Variants in PIBF1 observed in about 807,000 individuals in gnomAD.
The protein encoded by PIBF1 is progesterone immunomodulatory binding factor 1.
In PIBF1, 90 loss-of-function variants were observed where a neutral mutation model predicts 112.5. The ratio of observed to expected loss-of-function variants is 0.80; its 90% confidence interval spans 0.67 to 0.95. The LOEUF (loss-of-function observed/expected upper bound fraction) is 0.95, where lower values mean the gene tolerates loss of function less well. PIBF1 is among the 40% of genes least tolerant of loss of function. The pLI is 0.00. For missense variants in PIBF1, 915 were observed against 852.3 expected (o/e 1.07, Z -0.92); for synonymous variants, 301 against 288.6 (o/e 1.04, Z -0.44).
intron 6 of PIBF1, among the ~76,000 whole-genome samples, chr13:72,824,414 T>C (rs57764153): frequency 0.09 from 13,628 of 152,180 alleles, 1,698 homozygotes; most frequent in African/African-American, 0.28. Flanking sequence ...ACAATAAATA[T>C]TGGCAATAAT....
chr13:72,816,325 A>G (rs1348609024), intron 5 of PIBF1, among the ~76,000 whole-genome samples: 1 of 152,196 alleles, frequency 6.6e-6, no homozygotes, highest in African/African-American at 2.4e-5. Context: ...GGTCCACCAC[A>G]TGTGATGAAA....
chr13:72,799,730 G>A (rs981253593), intron 5 of PIBF1, among the ~76,000 whole-genome samples: 3 of 152,220 alleles, frequency 2.0e-5, no homozygotes, highest in Non-Finnish European at 2.9e-5. Context: ...GGAAGAGGCA[G>A]TTAGACAAGG....
chr13:72,975,921 T>A (rs1034134788), intron 16 of PIBF1, among the ~76,000 whole-genome samples: 1 of 152,092 alleles, frequency 6.6e-6, no homozygotes, highest in Admixed American at 6.5e-5. Flanking sequence ...TACATTTTTT[T>A]AAAGCTAGAT....
At chr13:72,987,884 G>A (rs1442668927) in intron 16 of PIBF1, among the ~76,000 whole-genome samples, 4 of 70,564 alleles carry the variant, frequency 5.7e-5, no homozygotes, top group Non-Finnish European at 9.0e-5. Context: ...TTTTTTTTGA[G>A]GCAGAGTCTC....
chr13:73,003,107 G>A (rs1383922452), intron 17 of PIBF1, among the ~76,000 whole-genome samples: 3 of 151,426 alleles, frequency 2.0e-5, no homozygotes, highest in South Asian at 2.1e-4. Flanking sequence ...ACGTAGTTCA[G>A]GCCTTGACTT....
At chr13:72,782,597 T>C (rs186857646) in intron 1 of PIBF1, among the ~76,000 whole-genome samples, 1 of 152,316 alleles carries the variant, frequency 6.6e-6, no homozygotes, top group African/African-American at 2.4e-5. Context: ...TATCATTCAG[T>C]TTAGAAAAAC....
intron 10 of PIBF1, among the ~76,000 whole-genome samples, chr13:72,856,280 T>G (rs1450157360): frequency 1.3e-5 from 2 of 152,184 alleles, no homozygotes; most frequent in Non-Finnish European, 2.9e-5. Context: ...CTAACTGAAT[T>G]TTGTTCTTCA....
At chr13:72,953,927 G>A (rs1422498528) in intron 14 of PIBF1, among the ~76,000 whole-genome samples, 1 of 152,126 alleles carries the variant, frequency 6.6e-6, no homozygotes, top group Non-Finnish European at 1.5e-5. Context: ...TGTCCATTGT[G>A]TTATGCTACC....
intron 13 of PIBF1, among the ~76,000 whole-genome samples, chr13:72,927,992 C>CATATATAT (rs1566458232): frequency 1.6e-4 from 8 of 50,762 alleles, no homozygotes; most frequent in African/African-American, 5.9e-4. Flanking sequence ...TATATATACA[C>CATATATAT]ACACATATAT....
intron 14 of PIBF1, among the ~76,000 whole-genome samples, chr13:72,952,791 A>T (rs2042337829): frequency 6.7e-6 from 1 of 150,120 alleles, no homozygotes; most frequent in Non-Finnish European, 1.5e-5. Context: ...GATAGTAGTG[A>T]TGTGCTGGAT....
intron 11 of PIBF1, among the ~76,000 whole-genome samples, chr13:72,898,939 A>T (rs1594150866): frequency 6.6e-6 from 1 of 152,196 alleles, no homozygotes; most frequent in East Asian, 1.9e-4. Flanking sequence ...ATGAAACAGG[A>T]GATATTACAA....
intron 2 of PIBF1, among the ~76,000 whole-genome samples, chr13:72,787,164 G>A (rs2034643728): frequency 2.0e-5 from 3 of 152,136 alleles, no homozygotes; most frequent in Admixed American, 1.3e-4. Context: ...CAGGCAAACA[G>A]CACTACACAC....
chr13:72,984,685 T>G (rs538093016), intron 16 of PIBF1, among the ~76,000 whole-genome samples: 28 of 152,312 alleles, frequency 1.8e-4, no homozygotes, highest in African/African-American at 5.5e-4. Context: ...ACCACTGTGT[T>G]TATATAGGCT....
intron 14 of PIBF1, among the ~76,000 whole-genome samples, chr13:72,956,991 G>A (rs545429645): frequency 5.5e-4 from 83 of 152,090 alleles, no homozygotes; most frequent in Non-Finnish European, 1.0e-3. Context: ...CAAGAATGGC[G>A]TAATGAAAAA....
chr13:72,982,324 T>G (rs2138971360), intron 16 of PIBF1, among the ~76,000 whole-genome samples: 1 of 152,204 alleles, frequency 6.6e-6, no homozygotes, highest in South Asian at 2.1e-4. Context: ...TAGTCCCAGC[T>G]TCTCAGGAAG....
chr13:72,835,752 A>T (rs562152648), intron 9 of PIBF1, among the ~76,000 whole-genome samples: 1 of 152,208 alleles, frequency 6.6e-6, no homozygotes, highest in Non-Finnish European at 1.5e-5. Context: ...AAATATACAT[A>T]TGCCTCATTT....
At chr13:72,961,671 C>T (rs189658417) in intron 14 of PIBF1, among the ~76,000 whole-genome samples, 6 of 152,206 alleles carry the variant, frequency 3.9e-5, no homozygotes, top group African/African-American at 1.4e-4. Flanking sequence ...CCCTTTCACC[C>T]TAATAATAGA....
chr13:72,997,515 C>G (rs142883383), intron 16 of PIBF1, among the ~76,000 whole-genome samples: 9 of 152,172 alleles, frequency 5.9e-5, no homozygotes, highest in African/African-American at 2.2e-4. Flanking sequence ...TCTGACACGT[C>G]TCGCAACCCT....
In PIBF1 at chr13:72,965,498, A is replaced by C. The variant is rs906136588; in HGVS notation, c.1964+94A>C. On this transcript the variant is annotated intron_variant, in intron 15 of 17. Transcript: ENST00000326291. ...TTTGGGTTGTAAATCATGAACAGAA[A>C]ATTTAAATAATGAAGGTGTCTTAAA... 2.1e-6 allele frequency: 2 copies of C among 953,850 alleles called. 1 individual carries two copies. Among genetic ancestry groups the C allele is most frequent in the African/African-American group, 3.3e-5 (2 of 60,016 alleles). 59.1% of individuals were successfully genotyped at this position (953,850 alleles called of 1,614,324 possible).
Sources: gnomAD v4.1 joint callset for allele counts (sites outside exome capture counted in the v4.1 genomes callset) on GRCh38, gnomAD v4.1.1 for gene constraint, MANE v1.5 for transcripts, NCBI Gene and HGNC (gene_info 2026-07-23, HGNC 2026-07-21) for gene names.